Variants in GABRG1 observed in about 807,000 individuals in gnomAD.
The protein encoded by GABRG1 is gamma-aminobutyric acid receptor subunit gamma-1.
A neutral mutation model predicts 49.8 loss-of-function variants in GABRG1; 49 were observed. The observed-to-expected ratio is 0.98, with a 90% CI of 0.78 to 1.25. The LOEUF (loss-of-function observed/expected upper bound fraction) is 1.25, where lower values mean the gene tolerates loss of function less well. Among genes scored for constraint, GABRG1 ranks in the 50% most tolerant of loss-of-function variants. The probability of loss-of-function intolerance (pLI) is 0.00; values close to 1 mark genes in which losing one functional copy is unlikely to be tolerated. For missense variants in GABRG1, 552 were observed against 552.3 expected, an observed-to-expected ratio of 1.00 and a Z score of 0.01; for synonymous variants, 232 against 185.1, an observed-to-expected ratio of 1.25 and a Z score of -2.06.
rs979735289 is a variant in GABRG1, at chr4:46,066,722, T to C, written c.322-1138A>G. 6.6e-4 allele frequency among the ~76,000 whole-genome samples: 100 copies of C among 152,080 alleles called. 2 individuals carry two copies. Among genetic ancestry groups the C allele is most frequent in the Admixed American group, 6.5e-3 (99 of 15,256 alleles). On this transcript the variant is annotated intron_variant, in intron 3 of 8. Transcript: ENST00000295452. Reference sequence around the variant, plus strand: ...CCTTCAAGAGTAGATGATTAGATATTATCTACCTTTGTATCCTGACAAAAT... The same window carrying C: ...CCTTCAAGAGTAGATGATTAGATATCATCTACCTTTGTATCCTGACAAAAT...
intron 8 of GABRG1, among the ~76,000 whole-genome samples, chr4:46,042,095 T>C (rs1353523592): frequency 3.9e-5 from 6 of 151,972 alleles, no homozygotes; most frequent in Non-Finnish European, 8.8e-5. Flanking sequence ...AATAAAAACA[T>C]TGTAGGTTTG....
intron 3 of GABRG1, among the ~76,000 whole-genome samples, chr4:46,067,604 A>G (rs1718965977): frequency 6.6e-6 from 1 of 152,078 alleles, no homozygotes; most frequent in South Asian, 2.1e-4. Flanking sequence ...TAGGGAGATA[A>G]TTAAAATTTT....
intron 2 of GABRG1, among the ~76,000 whole-genome samples, chr4:46,089,570 T>C (rs1012100752): frequency 2.0e-5 from 3 of 152,134 alleles, no homozygotes; most frequent in Non-Finnish European, 2.9e-5. Flanking sequence ...AGAGAGGATG[T>C]CTTTTAATCT....
intron 8 of GABRG1, among the ~76,000 whole-genome samples, chr4:46,051,139 AG>A (rs1258694663): frequency 6.6e-6 from 1 of 151,902 alleles, no homozygotes; most frequent in African/African-American, 2.4e-5. Flanking sequence ...ATCGGATCAA[AG>A]GTAAATCACA....
At chr4:46,082,621 C>T (rs1191299720) in intron 3 of GABRG1, among the ~76,000 whole-genome samples, 1 of 151,820 alleles carries the variant, frequency 6.6e-6, no homozygotes, top group Non-Finnish European at 1.5e-5. Context: ...CCTAACAAAG[C>T]TAATCAACAC....
In GABRG1 at chr4:46,039,273, G is replaced by A. The variant is rs996835997; in HGVS notation, c.*1715C>T. The A allele has an allele frequency of 2.0e-5, 3 of 150,700 alleles. No homozygotes were observed. The highest frequency in any genetic ancestry group is 4.4e-5 in the Non-Finnish European group (3 of 67,570). 9.3% of individuals were successfully genotyped at this position (150,700 alleles called of 1,614,324 possible). A position where few individuals can be genotyped will look rare whatever the true frequency, so the allele number is the denominator to read the frequency against. On this transcript the variant is annotated 3_prime_UTR_variant, in exon 9 of 9. Transcript: ENST00000295452. ...AGAAAAGCAGTGTCGGTGGATATTG[G>A]GCATTACCATTTGATTCATGCTTAT...
At chr4:46,069,362 A>C (rs1044138307) in intron 3 of GABRG1, among the ~76,000 whole-genome samples, 6 of 152,134 alleles carry the variant, frequency 3.9e-5, no homozygotes, top group African/African-American at 1.4e-4. Flanking sequence ...GAGAAAAAGT[A>C]CAAGTACAGC....
chr4:46,051,639 C>CT lies in GABRG1; in HGVS notation c.917-2dup. 1 of 1,555,470 alleles carries CT rather than the reference C, an allele frequency of 6.4e-7. No individual in the cohort carries two copies. The highest frequency in any genetic ancestry group is 8.8e-7 in the Non-Finnish European group (1 of 1,141,792). ...GTCATAGTCAGAACTGTAGTGATAC[C>CT]TATAGAGAGAGGAAACAAAACAGGA... On this transcript the variant is annotated splice_acceptor_variant, in intron 7 of 8. Coordinates refer to ENST00000295452, the MANE Select transcript of GABRG1 (RefSeq NM_173536.4). LOFTEE classifies it high-confidence loss of function.
chr4:46,109,825 A>G (rs1170747581), intron 1 of GABRG1, among the ~76,000 whole-genome samples: 1 of 151,082 alleles, frequency 6.6e-6, no homozygotes, highest in Admixed American at 6.6e-5. Context: ...TATGGTTCCA[A>G]GAGATCTTCT....
intron 4 of GABRG1, among the ~76,000 whole-genome samples, chr4:46,064,936 G>A (rs1258385166): frequency 6.6e-6 from 1 of 152,106 alleles, no homozygotes; most frequent in South Asian, 2.1e-4. Flanking sequence ...ATATGTTTAA[G>A]TCAATGAGTT....
chr4:46,118,547 C>T (rs1322281299), intron 1 of GABRG1, among the ~76,000 whole-genome samples: 3 of 151,158 alleles, frequency 2.0e-5, no homozygotes, highest in South Asian at 2.1e-4. Flanking sequence ...GTTCATCTAG[C>T]ATATAATATA....
chr4:46,049,193 A>T (rs537581959), intron 8 of GABRG1, among the ~76,000 whole-genome samples: 1 of 152,046 alleles, frequency 6.6e-6, no homozygotes, highest in South Asian at 2.1e-4. Context: ...TAATGGCAAG[A>T]TGCTACAACA....
chr4:46,061,625 A>G (rs1320197700), intron 5 of GABRG1, among the ~76,000 whole-genome samples: 3 of 151,916 alleles, frequency 2.0e-5, no homozygotes, highest in Non-Finnish European at 2.9e-5. Context: ...TAAAATTAAT[A>G]TAGCTCTGGA....
chr4:46,060,967 G>A (rs1718650297), intron 5 of GABRG1, among the ~76,000 whole-genome samples: 1 of 152,000 alleles, frequency 6.6e-6, no homozygotes, highest in African/African-American at 2.4e-5. Flanking sequence ...GATGCAGATG[G>A]CTGAATTCTC....
chr4:46,090,376 A>G (rs1363380471), intron 2 of GABRG1, among the ~76,000 whole-genome samples: 1 of 152,066 alleles, frequency 6.6e-6, no homozygotes, highest in Non-Finnish European at 1.5e-5. Context: ...AACTATCAAA[A>G]TACCTACACA....
rs886296145 is a variant in GABRG1, at chr4:46,087,860, T to G, written c.254-3807A>C. On this transcript the variant is annotated intron_variant, in intron 2 of 8. Coordinates refer to ENST00000295452, the MANE Select transcript of GABRG1 (RefSeq NM_173536.4). ...GACAATCAACCTTTCCAGGTTACATTTAGATATATGTGGATGAAAAGGTAC... is the reference window on the plus strand; with the variant it reads ...GACAATCAACCTTTCCAGGTTACATGTAGATATATGTGGATGAAAAGGTAC... 7.9e-4 allele frequency among the ~76,000 whole-genome samples: 120 copies of G among 152,088 alleles called. 3 individuals are homozygous for G. The highest frequency in any genetic ancestry group is 1.8e-4 in the Non-Finnish European group (12 of 67,924).
intron 2 of GABRG1, among the ~76,000 whole-genome samples, chr4:46,094,057 C>T (rs1720092067): frequency 6.6e-6 from 1 of 151,928 alleles, no homozygotes; most frequent in Non-Finnish European, 1.5e-5. Flanking sequence ...ACAATATTCA[C>T]TAACTACTGC....
In GABRG1 at chr4:46,065,386, C is replaced by T; in HGVS notation, c.520G>A (p.Gly174Arg). The change falls in exon 4 of 9, where the codon GGA becomes AGA. Residue 174 changes from glycine (G) to arginine (R), a missense_variant. By Grantham distance (125) the Gly-to-Arg change is moderately radical (BLOSUM62 -2). Transcript: ENST00000295452. Reference protein sequence around the residue: ...PNRLLRIWNDGRVLYTLRLTI... With the variant: ...PNRLLRIWNDRRVLYTLRLTI... The stretch of plus-strand genomic sequence containing the variant: ...TACCTTAGAGTATACAGAACTCGTC[C>T]ATCATTCCAAATTCGAAGCAGACGA... The T allele has an allele frequency of 6.2e-7, 1 of 1,608,404 alleles. No individual in the cohort carries two copies. The highest frequency in any genetic ancestry group is 8.5e-7 in the Non-Finnish European group (1 of 1,175,130).
chr4:46,042,105 G>A (rs950216513), intron 8 of GABRG1, among the ~76,000 whole-genome samples: 1 of 151,820 alleles, frequency 6.6e-6, no homozygotes, highest in Non-Finnish European at 1.5e-5. Flanking sequence ...TTGTAGGTTT[G>A]CTTGATTATT....
Sources: allele counts gnomAD v4.1 joint callset (sites outside exome capture counted in the v4.1 genomes callset), GRCh38; gene constraint gnomAD v4.1.1; transcripts MANE v1.5; gene names NCBI Gene and HGNC (gene_info 2026-07-23, HGNC 2026-07-21).